The following ZMYM4 variants were observed in gnomAD, a reference collection of about 807,000 sequenced individuals.
ZMYM4 encodes the protein zinc finger MYM-type containing 4, also known as zinc finger MYM-type protein 4.
Under a neutral mutation model 183.2 loss-of-function variants are expected in ZMYM4, and 31 were observed. That is an observed-to-expected ratio of 0.17 (90% confidence interval 0.13 to 0.23). The LOEUF is 0.23. ZMYM4 is among the 10% of genes least tolerant of loss of function. The pLI, the probability that ZMYM4 is intolerant of heterozygous loss-of-function variation, is 1.00. For synonymous variants in ZMYM4, 592 were observed against 631.2 expected, an observed-to-expected ratio of 0.94 and a Z score of 0.93; for missense variants, 1,273 against 1,840.3, an observed-to-expected ratio of 0.69 and a Z score of 5.64.
chr1:35,335,140 T>C (rs143722596), intron 2 of ZMYM4, among the ~76,000 whole-genome samples: 7 of 152,348 alleles, frequency 4.6e-5, no homozygotes, highest in African/African-American at 1.7e-4. Context: ...GCTTTTCCTT[T>C]ACCACAATTA....
chr1:35,400,795 A>G lies in ZMYM4; in HGVS notation c.3528+1219A>G, dbSNP rs534835024. Among the ~76,000 whole-genome samples the G allele has an allele frequency of 3.9e-5, 6 of 152,254 alleles. No individual in the cohort carries two copies. In the South Asian group the frequency reaches 8.3e-4, roughly 21 times the overall value. On this transcript the variant is annotated intron_variant, in intron 23 of 29. Transcript: ENST00000314607. ...TCTGGCTGCTGACAACCACTGATCT[A>G]CTGTACCGATTGATGCAGAATGCCA...
chr1:35,313,462 C>T (rs986474365), intron 1 of ZMYM4, among the ~76,000 whole-genome samples: 3 of 151,450 alleles, frequency 2.0e-5, no homozygotes, highest in African/African-American at 7.3e-5. Context: ...GATCTCAGCC[C>T]ACTGCAACGT....
intron 1 of ZMYM4, among the ~76,000 whole-genome samples, chr1:35,317,954 C>T (rs1642119861): frequency 6.7e-6 from 1 of 150,372 alleles, no homozygotes. Flanking sequence ...AATACTGGTA[C>T]AAATTTCACA....
chr1:35,418,168 G>A (rs540665691), intron 28 of ZMYM4, among the ~76,000 whole-genome samples: 1 of 152,180 alleles, frequency 6.6e-6, no homozygotes, highest in Non-Finnish European at 1.5e-5. Context: ...GTTTTCCAGT[G>A]CCAGTGCCAT....
At chr1:35,283,589 G>A (rs1035869807) in intron 1 of ZMYM4, among the ~76,000 whole-genome samples, 6 of 151,208 alleles carry the variant, frequency 4.0e-5, no homozygotes, top group African/African-American at 7.3e-5. Flanking sequence ...CACCCGCCTC[G>A]GCCTCCCAAA....
At position 35,389,092 on chromosome 1, in the gene ZMYM4, A is replaced by G; in HGVS notation, c.2436+10A>G. The G allele has an allele frequency of 6.2e-7, 1 of 1,601,780 alleles. No homozygotes were observed. The highest frequency in any genetic ancestry group is 1.8e-4 in the Middle Eastern group (1 of 5,476). ...AGTTTTGTTCTATCAGGTAAATAGAATTCACATTCCTGGGTTTTTCATTCT... is the reference window on the plus strand; with the variant it reads ...AGTTTTGTTCTATCAGGTAAATAGAGTTCACATTCCTGGGTTTTTCATTCT... On this transcript the variant is annotated intron_variant, in intron 14 of 29. Coordinates refer to ENST00000314607, the MANE Select transcript of ZMYM4 (RefSeq NM_005095.3). This position sits in a 1 kb window ranked among gnomAD's most constrained non-coding sequence, Gnocchi z 4.0.
intron 1 of ZMYM4, among the ~76,000 whole-genome samples, chr1:35,287,225 T>TC (rs1242458932): frequency 1.3e-5 from 2 of 151,722 alleles, no homozygotes; most frequent in African/African-American, 4.8e-5. Flanking sequence ...TTAATTTTTT[T>TC]TTTTTTTTTA....
At chr1:35,327,773 A>G (rs1040506586) in intron 2 of ZMYM4, among the ~76,000 whole-genome samples, 1 of 152,228 alleles carries the variant, frequency 6.6e-6, no homozygotes, top group Non-Finnish European at 1.5e-5. Flanking sequence ...GTTCTCTACA[A>G]GTGCTGCCAG....
chr1:35,303,878 A>G (rs634994), intron 1 of ZMYM4, among the ~76,000 whole-genome samples: 151,519 of 152,258 alleles, frequency 1, 75,396 homozygotes, highest in East Asian at 1. Context: ...AAGTTATATC[A>G]ATAACTTATG....
At chr1:35,359,894 GT>G (rs200015213) in intron 3 of ZMYM4, among the ~76,000 whole-genome samples, 4 of 140,784 alleles carry the variant, frequency 2.8e-5, no homozygotes, top group Admixed American at 7.2e-5. Flanking sequence ...CTGAAAGGGA[GT>G]TTTTTTTTAA....
chr1:35,362,687 TTTTC>T (rs1200824594), intron 5 of ZMYM4, among the ~76,000 whole-genome samples: 3 of 152,240 alleles, frequency 2.0e-5, no homozygotes, highest in South Asian at 4.1e-4. Flanking sequence ...TTTCTTTTTC[TTTTC>T]TTTCTTTTTG....
At chr1:35,415,271 C>G (rs1640069838) in intron 27 of ZMYM4, among the ~76,000 whole-genome samples, 195 bp from the exon 28 acceptor site, 1 of 152,124 alleles carries the variant, frequency 6.6e-6, no homozygotes, top group Admixed American at 6.5e-5. Context: ...GGAGACTCCA[C>G]GAACGGTGTC....
At chr1:35,366,942 C>T (rs1172506340) in intron 5 of ZMYM4, among the ~76,000 whole-genome samples, 1 of 150,352 alleles carries the variant, frequency 6.7e-6, no homozygotes, top group Non-Finnish European at 1.5e-5. Flanking sequence ...GAGGATCACT[C>T]GAGCCTGGGA....
Position 35,359,136 on chromosome 1 carries a change from C to A in ZMYM4, c.297C>A (p.Asp99Glu), listed in dbSNP as rs1643887171. ...NEDEQDFSSK[D>E]NLVSSIHTDD... The stretch of plus-strand genomic sequence containing the variant: ...ATGAACAGGATTTTAGTTCAAAGGA[C>A]AATCTTGTTTCTTCAATTCATACTG... The change falls in exon 3 of 30, where the codon GAC becomes GAA. Residue 99 changes from aspartate to glutamate, a missense_variant. Asp to Glu is a conservative substitution (Grantham distance 45, BLOSUM62 2). Transcript: ENST00000314607. 2 of 1,613,568 alleles carry A rather than the reference C, an allele frequency of 1.2e-6. No homozygotes were observed. Among genetic ancestry groups the A allele is most frequent in the Non-Finnish European group, 1.7e-6 (2 of 1,179,738 alleles).
At chr1:35,285,757 G>A (rs191986945) in intron 1 of ZMYM4, among the ~76,000 whole-genome samples, 10 of 152,226 alleles carry the variant, frequency 6.6e-5, no homozygotes, top group Admixed American at 4.6e-4. Flanking sequence ...TCTTTGGGGG[G>A]TCCAGGGTCC....
intron 9 of ZMYM4, among the ~76,000 whole-genome samples, chr1:35,382,750 G>A (rs1006160787): frequency 2.6e-5 from 4 of 152,026 alleles, no homozygotes; most frequent in Non-Finnish European, 2.9e-5. Flanking sequence ...CGCCCGGCCA[G>A]TATGGCTTTT....
chr1:35,344,534 C>G (rs906771143), intron 2 of ZMYM4, among the ~76,000 whole-genome samples: 1 of 151,658 alleles, frequency 6.6e-6, no homozygotes, highest in Non-Finnish European at 1.5e-5. Flanking sequence ...TTTTAGTTTA[C>G]TGAAAGATAT....
At chr1:35,338,468 T>A (rs1643066581) in intron 2 of ZMYM4, among the ~76,000 whole-genome samples, 2 of 152,186 alleles carry the variant, frequency 1.3e-5, no homozygotes, top group Admixed American at 1.3e-4. Flanking sequence ...AGCAGTCTCA[T>A]GCCAACTGTA....
chr1:35,378,520 C>T (rs1035467103), intron 7 of ZMYM4, among the ~76,000 whole-genome samples: 4 of 152,206 alleles, frequency 2.6e-5, no homozygotes, highest in African/African-American at 7.2e-5. Context: ...ACCTCTTGTA[C>T]ATCTCCATCA....
Sources: allele counts gnomAD v4.1 joint callset (sites outside exome capture counted in the v4.1 genomes callset), GRCh38; gene constraint gnomAD v4.1.1; non-coding constraint Gnocchi (gnomAD v3.1); transcripts MANE v1.5; gene names NCBI Gene and HGNC (gene_info 2026-07-23, HGNC 2026-07-21).